Variants in EFCAB8 observed in about 807,000 individuals in gnomAD.
The protein encoded by EFCAB8 is EF-hand calcium-binding domain-containing protein 8.
In EFCAB8, 100 loss-of-function variants were observed where a neutral mutation model predicts 116.3. That is an observed-to-expected ratio of 0.86 (90% confidence interval 0.73 to 1.02). The LOEUF (loss-of-function observed/expected upper bound fraction) is 1.02, where lower values mean the gene tolerates loss of function less well. EFCAB8 is among the 50% of genes least tolerant of loss of function. The pLI, the probability that EFCAB8 is intolerant of heterozygous loss-of-function variation, is 0.00. For missense variants in EFCAB8, 1,320 were observed against 1,416.9 expected (o/e 0.93, Z 1.10); for synonymous variants, 558 against 567.9 (o/e 0.98, Z 0.25).
intron 20 of EFCAB8, among the ~76,000 whole-genome samples, chr20:32,926,644 A>G (rs1195213763): frequency 4.4e-5 from 6 of 134,924 alleles, no homozygotes; most frequent in South Asian, 2.5e-4. Context: ...ATATCTCCCA[A>G]TGCTATCCCT....
Position 32,931,262 on chromosome 20 carries a change from A to G in EFCAB8, c.2716A>G (p.Asn906Asp), listed in dbSNP as rs1306926982. Residue 906 changes from asparagine (N) to aspartate (D), a missense_variant, in exon 22 of 27, where the codon AAC becomes GAC. Coordinates refer to ENST00000400522, the MANE Select transcript of EFCAB8 (RefSeq NM_001143967.2). ...SGAKVVSEAH[N>D]KFRLLIPQQL... ...GGCCAAGGTTGTCTCTGAAGCACAC[A>G]ACAAGTTCCGGTTGTTAATTCCTCA... 1 of 1,551,564 alleles carries G rather than the reference A, an allele frequency of 6.4e-7. No homozygotes were observed. Among genetic ancestry groups the G allele is most frequent in the Non-Finnish European group, 8.7e-7 (1 of 1,146,856 alleles).
intron 23 of EFCAB8, among the ~76,000 whole-genome samples, chr20:32,951,420 A>C (rs756916270): frequency 3.3e-5 from 5 of 152,240 alleles, no homozygotes; most frequent in Non-Finnish European, 7.3e-5. Flanking sequence ...GCCAGACGAA[A>C]ACCTGTACAT....
intron 23 of EFCAB8, among the ~76,000 whole-genome samples, chr20:32,945,989 G>A (rs918137239): frequency 2.0e-5 from 3 of 152,160 alleles, no homozygotes; most frequent in Non-Finnish European, 4.4e-5. Context: ...TCTGAGAGAG[G>A]CAAGACAGAA....
In EFCAB8 at chr20:32,912,809, C is replaced by T. The variant is rs1441227259; in HGVS notation, c.1801C>T (p.His601Tyr). The change falls in exon 17 of 27, where the codon CAT becomes TAT. Residue 601 changes from histidine (H) to tyrosine (Y), a missense_variant. His to Tyr is a moderately conservative substitution (Grantham distance 83, BLOSUM62 2). Transcript: ENST00000400522. ...PEQLEISGII[H>Y]MNKVFYVTGW... ...TCTTCAACAGATTAGTGGGATTATC[C>T]ATATGAACAAAGTGTTCTATGTGAC... The T allele has an allele frequency of 1.4e-6, 1 of 718,726 alleles. No homozygotes were observed. Among genetic ancestry groups the T allele is most frequent in the Non-Finnish European group, 2.6e-6 (1 of 385,144 alleles). 44.5% of individuals were successfully genotyped at this position (718,726 alleles called of 1,614,324 possible).
At chr20:32,876,249 G>C (rs1984965841) in intron 4 of EFCAB8, among the ~76,000 whole-genome samples, 1 of 152,186 alleles carries the variant, frequency 6.6e-6, no homozygotes, top group African/African-American at 2.4e-5. Context: ...TCATTCCCCA[G>C]GGACAAGTGT....
intron 19 of EFCAB8, among the ~76,000 whole-genome samples, chr20:32,919,825 T>C (rs373411849): frequency 6.6e-6 from 1 of 152,120 alleles, no homozygotes; most frequent in African/African-American, 2.4e-5. Context: ...ACCAGGATGG[T>C]CTCTTCCAGG....
chr20:32,898,265 T>G, intron 10 of EFCAB8: 1 of 472,954 alleles, frequency 2.1e-6, no homozygotes, highest in Non-Finnish European at 3.8e-6. Context: ...CAAATGAAAG[T>G]AGGCTTGTGT....
intron 5 of EFCAB8, among the ~76,000 whole-genome samples, chr20:32,881,017 A>G (rs1228721868): frequency 6.6e-6 from 1 of 152,214 alleles, no homozygotes; most frequent in African/African-American, 2.4e-5. Flanking sequence ...CTAGAGTCCC[A>G]TTTAGTCATT....
intron 20 of EFCAB8, among the ~76,000 whole-genome samples, chr20:32,929,259 G>A (rs954127428): frequency 2.6e-5 from 4 of 152,038 alleles, no homozygotes; most frequent in Middle Eastern, 3.4e-3. Context: ...GGAAGGATTG[G>A]CATTCATTCT....
intron 11 of EFCAB8, chr20:32,903,388 C>T (rs1048020219): frequency 2.0e-5 from 3 of 152,298 alleles, no homozygotes; most frequent in Admixed American, 1.3e-4. Context: ...TTGCAGGACT[C>T]GCCATGATTT....
At chr20:32,952,034 T>G (rs549803646) in intron 23 of EFCAB8, among the ~76,000 whole-genome samples, 52 of 152,040 alleles carry the variant, frequency 3.4e-4, no homozygotes, top group African/African-American at 1.2e-3. Context: ...CCAAAGTGGG[T>G]GGATTGCTTG....
chr20:32,875,502 G>GTTTTTGGTTTTTTTTTTTTTTTTTTT (rs1984916833), intron 3 of EFCAB8, among the ~76,000 whole-genome samples: 8 of 89,890 alleles, frequency 8.9e-5, no homozygotes, highest in Non-Finnish European at 2.1e-4. Flanking sequence ...AAACATGGTG[G>GTTTTTGGTTTTTTTTTTTTTTTTTTT]TTTTTTTTTT....
At chr20:32,891,146 GT>G (rs372068414) in intron 7 of EFCAB8, among the ~76,000 whole-genome samples, 12 of 152,258 alleles carry the variant, frequency 7.9e-5, no homozygotes, top group African/African-American at 2.6e-4. Flanking sequence ...GTCTCACTCT[GT>G]CACCCAGGCT....
intron 10 of EFCAB8, among the ~76,000 whole-genome samples, chr20:32,897,653 TC>T (rs1253716166): frequency 6.6e-6 from 1 of 152,080 alleles, no homozygotes; most frequent in Non-Finnish European, 1.5e-5. Context: ...CCCAGGCTGG[TC>T]TACCTACCTT....
chr20:32,882,947 G>A (rs1345770135), intron 5 of EFCAB8, among the ~76,000 whole-genome samples: 4 of 151,320 alleles, frequency 2.6e-5, no homozygotes, highest in Non-Finnish European at 5.9e-5. Flanking sequence ...TGCCCGCCTC[G>A]GCCTCCCAAA....
At chr20:32,958,898 T>C (rs145286611) in intron 24 of EFCAB8, among the ~76,000 whole-genome samples, 1 of 152,316 alleles carries the variant, frequency 6.6e-6, no homozygotes, top group African/African-American at 2.4e-5. Context: ...CAGAGGTCCC[T>C]GGCAGAGGAG....
chr20:32,882,936 C>T (rs1425236559), intron 5 of EFCAB8, among the ~76,000 whole-genome samples: 1 of 151,942 alleles, frequency 6.6e-6, no homozygotes, highest in Non-Finnish European at 1.5e-5. Flanking sequence ...ACCTCATGAT[C>T]TGCCCGCCTC....
intron 2 of EFCAB8, 59 bp downstream of exon 2, chr20:32,863,893 C>G: frequency 6.5e-7 from 1 of 1,532,204 alleles, no homozygotes; most frequent in South Asian, 1.2e-5. Flanking sequence ...TCACCCAAAA[C>G]CTCACTTACC....
intron 3 of EFCAB8, among the ~76,000 whole-genome samples, chr20:32,872,968 T>A (rs549937189): frequency 1.3e-5 from 2 of 151,632 alleles, no homozygotes; most frequent in South Asian, 2.1e-4. Flanking sequence ...GGTGGGCGCC[T>A]GTAATCCCAG....
Sources: allele counts gnomAD v4.1 joint callset (sites outside exome capture counted in the v4.1 genomes callset), GRCh38; gene constraint gnomAD v4.1.1; transcripts MANE v1.5; gene names NCBI Gene and HGNC (gene_info 2026-07-23, HGNC 2026-07-21).